NSD2: variants seen among roughly 807,000 people sequenced by gnomAD.
NSD2 encodes the protein nuclear receptor binding SET domain protein 2, also known as histone-lysine N-methyltransferase NSD2.
In NSD2, 12 loss-of-function variants were observed where a neutral mutation model predicts 139.0. That is an observed-to-expected ratio of 0.09 (90% CI 0.06 to 0.14). The LOEUF (loss-of-function observed/expected upper bound fraction) is 0.14. NSD2 is among the 10% of genes least tolerant of loss of function. NSD2 has a pLI of 1.00. For missense variants in NSD2, 1,155 were observed against 1,745.0 expected (o/e 0.66, Z 6.02); for synonymous variants, 669 against 648.7 (o/e 1.03, Z -0.48).
chr4:1,878,084 G>A (rs961524269), intron 1 of NSD2, among the ~76,000 whole-genome samples: 5 of 150,214 alleles, frequency 3.3e-5, no homozygotes, highest in Non-Finnish European at 5.9e-5. Context: ...CTTCTGAGAC[G>A]GAGTCTAACT....
chr4:1,941,836 C>G, intron 9 of NSD2: 1 of 1,054,612 alleles, frequency 9.5e-7, no homozygotes, highest in Non-Finnish European at 1.1e-6. Context: ...TATATTAACG[C>G]GACTGAACTA....
rs961935583 is a variant in NSD2, at chr4:1,951,066, C to A, written c.1882-6C>A. Reference sequence around the variant, plus strand: ...GTGAACTGTCATCCGCCTCCTTCATCTCTAGGTCTCGGACAGCCCGGGAGA... The same window carrying A: ...GTGAACTGTCATCCGCCTCCTTCATATCTAGGTCTCGGACAGCCCGGGAGA... On this transcript the variant is annotated splice_region_variant and splice_polypyrimidine_tract_variant and intron_variant, in intron 9 of 21. Transcript: ENST00000508803. 1 of 1,613,888 alleles carries A rather than the reference C, an allele frequency of 6.2e-7. No homozygotes were observed. The highest frequency in any genetic ancestry group is 8.5e-7 in the Non-Finnish European group (1 of 1,179,948).
At chr4:1,898,725 C>G (rs1389246700) in intron 1 of NSD2, among the ~76,000 whole-genome samples, 3 of 141,292 alleles carry the variant, frequency 2.1e-5, no homozygotes, top group African/African-American at 8.2e-5. Flanking sequence ...GCTGGAATCT[C>G]TTTTCAGTTA....
In NSD2 at chr4:1,976,299, T is replaced by C. The variant is rs1373926381; in HGVS notation, c.3622-176T>C. The C allele has an allele frequency of 4.5e-6, 3 of 667,898 alleles. No individual in the cohort carries two copies. The East Asian group carries it at 8.3e-5, about 18-fold the overall frequency. The allele number at this position is 667,898 out of a possible 1,614,324, so 41.4% of individuals were successfully genotyped here. ...CTTTGTTCAGCTTTTTCACGCTGAG[T>C]CGAGTGAGTCTAAGGATGTCTGGGG... On this transcript the variant is annotated intron_variant, in intron 20 of 21. Transcript: ENST00000508803. This position sits in a 1 kb window ranked among gnomAD's most constrained non-coding sequence, Gnocchi z 5.3.
At position 1,978,827 on chromosome 4, in the gene NSD2, A is replaced by AGAAGCCCCCCCCAGAGCCAGG; in HGVS notation, c.4023_4043dup (p.Pro1342_Pro1348dup). 1.2e-6 allele frequency: 2 copies of AGAAGCCCCCCCCAGAGCCAGG among 1,606,658 alleles called. No individual in the cohort carries two copies. The highest frequency in any genetic ancestry group is 1.7e-6 in the Non-Finnish European group (2 of 1,174,712). On this transcript the variant is annotated inframe_insertion, in exon 22 of 22. Transcript: ENST00000508803. Reference sequence around the variant, plus strand: ...GCATCGGTCAGAAGCACCAAGACTGAGAAGCCCCCCCCAGAGCCAGGGAAG... The same window carrying AGAAGCCCCCCCCAGAGCCAGG: ...GCATCGGTCAGAAGCACCAAGACTGAGAAGCCCCCCCCAGAGCCAGGGAAGCCCCCCCCAGAGCCAGGGAAG...
chr4:1,962,147 C>A (rs1303906898), intron 18 of NSD2, among the ~76,000 whole-genome samples: 1 of 152,208 alleles, frequency 6.6e-6, no homozygotes, highest in Non-Finnish European at 1.5e-5. Context: ...TATCCCCTAC[C>A]CCTGCAGTAG....
At chr4:1,880,005 T>C (rs1364093838) in intron 1 of NSD2, among the ~76,000 whole-genome samples, 1 of 152,164 alleles carries the variant, frequency 6.6e-6, no homozygotes, top group Non-Finnish European at 1.5e-5. Flanking sequence ...TGCCTAAATG[T>C]GGAAAGCACT....
intron 5 of NSD2, among the ~76,000 whole-genome samples, chr4:1,925,760 A>ATC (rs956979270): frequency 1.4e-5 from 2 of 147,678 alleles, no homozygotes; most frequent in African/African-American, 5.2e-5. Context: ...CTTTTTATAT[A>ATC]TCTATATATA....
intron 9 of NSD2, among the ~76,000 whole-genome samples, chr4:1,949,003 G>T (rs1252477423): frequency 6.6e-6 from 1 of 152,230 alleles, no homozygotes; most frequent in African/African-American, 2.4e-5. Flanking sequence ...CATCAGATGG[G>T]TCAGCTTGGG....
intron 4 of NSD2, among the ~76,000 whole-genome samples, chr4:1,917,693 T>A (rs1172438775): frequency 2.0e-5 from 3 of 151,988 alleles, no homozygotes; most frequent in Non-Finnish European, 2.9e-5. Flanking sequence ...TGCCTCAGCC[T>A]CCACAGGTGC....
chr4:1,909,891 G>C (rs1260089695), intron 3 of NSD2, among the ~76,000 whole-genome samples: 1 of 151,362 alleles, frequency 6.6e-6, no homozygotes, highest in Non-Finnish European at 1.5e-5. Flanking sequence ...CGCCCAACTC[G>C]GCCTCCCAAA....
chr4:1,964,599 G>C (rs1237269491), intron 18 of NSD2, among the ~76,000 whole-genome samples: 2 of 152,116 alleles, frequency 1.3e-5, no homozygotes, highest in East Asian at 3.9e-4. Context: ...TGCTGCTTCT[G>C]ATCACAGAGG....
At chr4:1,912,130 G>C (rs1489257257) in intron 3 of NSD2, 2 of 406,902 alleles carry the variant, frequency 4.9e-6, no homozygotes, top group Admixed American at 5.8e-5. Flanking sequence ...TTAAAAACAA[G>C]TCAAATTGTA....
intron 21 of NSD2, among the ~76,000 whole-genome samples, chr4:1,977,458 T>G (rs1382203439): frequency 3.3e-5 from 5 of 152,056 alleles, no homozygotes; most frequent in Non-Finnish European, 5.9e-5. Context: ...GAAGAAAAAT[T>G]AAATGGCCCT....
Position 1,904,310 on chromosome 4 carries a change from C to T in NSD2, c.692C>T (p.Ser231Leu), listed in dbSNP as rs750127826. ...NVGDLVWSKVSGYPWWPCMVS... is the reference protein window; with the variant it reads ...NVGDLVWSKVLGYPWWPCMVS... ...GGTGATTTGGTGTGGTCCAAAGTGT[C>T]GGGTTACCCTTGGTGGCCTTGCATG... Residue 231 changes from serine to leucine, a missense_variant, in exon 3 of 22, where the codon TCG becomes TTG. Coordinates refer to ENST00000508803, the MANE Select transcript of NSD2 (RefSeq NM_001042424.3). The T allele has an allele frequency of 3.1e-6, 5 of 1,614,140 alleles. No individual in the cohort carries two copies. Among genetic ancestry groups the T allele is most frequent in the Non-Finnish European group, 4.2e-6 (5 of 1,180,012 alleles).
chr4:1,918,348 G>A lies in NSD2; in HGVS notation c.1135G>A (p.Val379Ile), dbSNP rs770966499. The part of the protein sequence containing the change: ...SLGEMAESSG[V>I]SEEAAENPKS... The stretch of plus-strand genomic sequence containing the variant: ...GGGAGAAATGGCAGAATCCTCAGGA[G>A]TCAGTGAAGAAGCTGCTGAAAACCC... Residue 379 changes from valine to isoleucine, a missense_variant, in exon 5 of 22, where the codon GTC becomes ATC. Transcript: ENST00000508803. 1.2e-6 allele frequency: 2 copies of A among 1,614,130 alleles called. No homozygotes were observed. Among genetic ancestry groups the A allele is most frequent in the South Asian group, 2.2e-5 (2 of 91,084 alleles).
chr4:1,879,654 C>G (rs1359643970), intron 1 of NSD2, among the ~76,000 whole-genome samples: 1 of 152,084 alleles, frequency 6.6e-6, no homozygotes, highest in African/African-American at 2.4e-5. Flanking sequence ...GCCTGTAGCT[C>G]TTGTGATGAG....
At chr4:1,962,208 T>C (rs1177939097) in intron 18 of NSD2, among the ~76,000 whole-genome samples, 2 of 152,192 alleles carry the variant, frequency 1.3e-5, no homozygotes, top group African/African-American at 2.4e-5. Flanking sequence ...CTGGGCTCTG[T>C]GTCAATCACA....
rs570238061 is a variant in NSD2, at chr4:1,943,292, C to T, written c.1881+3514C>T. ...GGCAGATTCTTTGGCTGTGTTTTAT[C>T]TTTAATGAACGTTTCTGACTAATAT... On this transcript the variant is annotated intron_variant, in intron 9 of 21. Transcript: ENST00000508803. The T allele has an allele frequency of 1.4e-3, 1,431 of 1,043,404 alleles. 1 individual carries two copies. Among genetic ancestry groups the T allele is most frequent in the Middle Eastern group, 1.8e-3 (4 of 2,282 alleles). The allele number at this position is 1,043,404 out of a possible 1,614,324, so 64.6% of individuals were successfully genotyped here. A position where few individuals can be genotyped will look rare whatever the true frequency, so the allele number is the denominator to read the frequency against.
Sources: gnomAD v4.1 joint callset for allele counts (sites outside exome capture counted in the v4.1 genomes callset) on GRCh38, gnomAD v4.1.1 for gene constraint, Gnocchi (gnomAD v3.1) non-coding constraint, MANE v1.5 for transcripts, NCBI Gene and HGNC (gene_info 2026-07-23, HGNC 2026-07-21) for gene names.